Variants in TTC34 observed in about 807,000 individuals in gnomAD.
The protein encoded by TTC34 is tetratricopeptide repeat protein 34.
Under a neutral mutation model 40.7 loss-of-function variants are expected in TTC34, and 44 were observed. That is an observed-to-expected ratio of 1.08 (90% CI 0.85 to 1.39). The LOEUF is 1.39. TTC34 is among the 40% of genes most tolerant of loss of function. TTC34 has a pLI of 0.00. For missense variants in TTC34, 884 were observed against 838.0 expected (o/e 1.05, Z -0.68); for synonymous variants, 422 against 398.6 (o/e 1.06, Z -0.70).
chr1:2,644,475 C>T (rs1163050925), exon 8 of TTC34: 1 of 1,532,888 alleles, frequency 6.5e-7, no homozygotes, highest in East Asian at 2.5e-5. Flanking sequence ...TTCCTCGTAG[C>T]TGCCTGTCAG....
intron 6 of TTC34, among the ~76,000 whole-genome samples, chr1:2,653,727 C>G (rs1447709222): frequency 6.6e-6 from 1 of 151,716 alleles, no homozygotes; most frequent in Non-Finnish European, 1.5e-5. Flanking sequence ...GCAGCACCCA[C>G]AACCACAAGT....
Position 2,785,799 on chromosome 1 carries a change from G to T in TTC34, c.2059+20C>A. On this transcript the variant is annotated intron_variant, in intron 5 of 8. Transcript: ENST00000401095. Reference sequence around the variant, plus strand: ...GCCTGGCACAAGACTGGGCCCTGGGGGCAGGTGGGCAGCTCCTACCTGCGG... The same window carrying T: ...GCCTGGCACAAGACTGGGCCCTGGGTGCAGGTGGGCAGCTCCTACCTGCGG... 6.5e-7 allele frequency: 1 copy of T among 1,540,542 alleles called. No homozygotes were observed. The highest frequency in any genetic ancestry group is 1.2e-5 in the South Asian group (1 of 83,072).
chr1:2,791,414 T>A (rs1347228854), intron 2 of TTC34, among the ~76,000 whole-genome samples: 1 of 152,198 alleles, frequency 6.6e-6, no homozygotes, highest in Non-Finnish European at 1.5e-5. Context: ...TTCAAACAGC[T>A]TTTCCTTATA....
chr1:2,773,177 C>A (rs1569847794), intron 6 of TTC34, among the ~76,000 whole-genome samples: 5 of 132,568 alleles, frequency 3.8e-5, no homozygotes, highest in East Asian at 5.3e-4. Context: ...AGCGCCCACA[C>A]CCCCAGGTGA....
At chr1:2,756,652 G>C (rs1641515706) in intron 6 of TTC34, among the ~76,000 whole-genome samples, 6 of 151,650 alleles carry the variant, frequency 4.0e-5, no homozygotes, top group African/African-American at 1.5e-4. Context: ...TGACAGCCTG[G>C]AACAGCACCC....
chr1:2,768,395 C>T (rs1401462820), intron 6 of TTC34, among the ~76,000 whole-genome samples: 2 of 151,904 alleles, frequency 1.3e-5, no homozygotes, highest in African/African-American at 2.4e-5. Context: ...GAGCATATGA[C>T]AGCCCGGAAC....
At chr1:2,749,506 C>A (rs1274658028) in intron 6 of TTC34, among the ~76,000 whole-genome samples, 4 of 79,072 alleles carry the variant, frequency 5.1e-5, no homozygotes, top group East Asian at 4.0e-4. Flanking sequence ...ATTGGACAGC[C>A]TGGAGCAGCA....
chr1:2,692,518 C>A lies in TTC34; in HGVS notation c.2227-46955G>T, dbSNP rs1473094949. 1.4e-4 allele frequency among the ~76,000 whole-genome samples: 12 copies of A among 84,372 alleles called. 1 individual carries two copies. Among genetic ancestry groups the A allele is most frequent in the African/African-American group, 4.5e-4 (10 of 22,002 alleles). 55.4% of individuals were successfully genotyped at this position (84,372 alleles called of 152,430 possible). On this transcript the variant is annotated intron_variant, in intron 6 of 8. Coordinates refer to ENST00000401095, the Ensembl canonical transcript of TTC34. The stretch of plus-strand genomic sequence containing the variant: ...AGCAGCCTGCACCCCCAGGTGTGCA[C>A]GTGACAGCTTGGATCAGCACCCACA...
chr1:2,751,655 T>C (rs1641324479), intron 6 of TTC34, among the ~76,000 whole-genome samples: 29 of 128,392 alleles, frequency 2.3e-4, no homozygotes, highest in East Asian at 5.0e-4. Context: ...CACCCCCAGT[T>C]GAGCATTGGA....
At position 2,750,275 on chromosome 1, in the gene TTC34, A is replaced by C. The variant is rs1200715126; in HGVS notation, c.2226+33334T>G. ...GTGGGCATCTGACAGCCTGGAAAAGAGCCCAGACCCCCAGGTGAGCATCTG... is the reference window on the plus strand; with the variant it reads ...GTGGGCATCTGACAGCCTGGAAAAGCGCCCAGACCCCCAGGTGAGCATCTG... On this transcript the variant is annotated intron_variant, in intron 6 of 8. Transcript: ENST00000401095. Among the ~76,000 whole-genome samples the C allele has an allele frequency of 3.7e-4, 22 of 59,604 alleles. 2 individuals carry two copies. The highest frequency in any genetic ancestry group is 8.3e-4 in the East Asian group (1 of 1,206). 39.1% of individuals were successfully genotyped at this position (59,604 alleles called of 152,430 possible). A position where few individuals can be genotyped will look rare whatever the true frequency, so the allele number is the denominator to read the frequency against.
intron 6 of TTC34, among the ~76,000 whole-genome samples, chr1:2,757,718 G>A (rs1459382198): frequency 1.4e-4 from 21 of 145,914 alleles, no homozygotes; most frequent in African/African-American, 4.9e-4. Flanking sequence ...ACACCCACAG[G>A]TGAGCATCTG....
At chr1:2,771,830 A>AAT (rs1642232439) in intron 6 of TTC34, among the ~76,000 whole-genome samples, 2 of 91,784 alleles carry the variant, frequency 2.2e-5, no homozygotes, top group Admixed American at 1.9e-4. Context: ...GACAGCCTGG[A>AAT]GCAGCGCCCA....
At chr1:2,771,387 G>A (rs1299711265) in intron 6 of TTC34, among the ~76,000 whole-genome samples, 1 of 70,102 alleles carries the variant, frequency 1.4e-5, no homozygotes, top group Admixed American at 1.3e-4. Context: ...CTGACAGCCT[G>A]GAACAGAACC....
intron 6 of TTC34, among the ~76,000 whole-genome samples, chr1:2,688,509 C>T (rs1317114092): frequency 3.0e-5 from 4 of 134,938 alleles, no homozygotes; most frequent in African/African-American, 6.4e-5. Context: ...GAGCATCTGA[C>T]AGCCTGTAAC....
exon 3 of TTC34, chr1:2,789,732 C>T: frequency 1.2e-6 from 1 of 828,106 alleles, no homozygotes; most frequent in Non-Finnish European, 1.7e-6. Context: ...AACGCGCTGC[C>T]CGCCAGCACC....
chr1:2,753,169 C>CCTG, intron 6 of TTC34, among the ~76,000 whole-genome samples: 2 of 129,996 alleles, frequency 1.5e-5, no homozygotes, highest in Admixed American at 7.8e-5. Flanking sequence ...GGAACAGCAC[C>CCTG]CACACCCCCA....
chr1:2,799,155 C>CCTCCT (rs1643746851), intron 2 of TTC34, among the ~76,000 whole-genome samples: 1 of 151,758 alleles, frequency 6.6e-6, no homozygotes, highest in African/African-American at 2.4e-5. Flanking sequence ...CCTAGCCTCC[C>CCTCCT]GGCCCCCCAG....
chr1:2,752,393 A>C (rs1171595448), intron 6 of TTC34, among the ~76,000 whole-genome samples: 47 of 17,178 alleles, frequency 2.7e-3, no homozygotes, highest in South Asian at 6.2e-3. Context: ...ATCTGAGAGC[A>C]TGTAACAGCA....
chr1:2,800,373 AC>A lies in TTC34; in HGVS notation c.454del (p.Val152CysfsTer22). On this transcript the variant is annotated frameshift_variant, in exon 2 of 9. Coordinates refer to ENST00000401095, the Ensembl canonical transcript of TTC34. LOFTEE classifies it high-confidence loss of function. ...GGCGGCCACACCATCCGCTGCCTGC[AC>A]CCCGGACAGGACCCAGGCGAGGGCG... 7 of 398,466 alleles carry A rather than the reference AC, an allele frequency of 1.8e-5. No individual in the cohort carries two copies. The highest frequency in any genetic ancestry group is 3.1e-5 in the Non-Finnish European group (7 of 225,926). The allele number at this position is 398,466 out of a possible 1,614,324, so 24.7% of individuals were successfully genotyped here. A position where few individuals can be genotyped will look rare whatever the true frequency, so the allele number is the denominator to read the frequency against.
Sources: gnomAD v4.1 joint callset for allele counts (sites outside exome capture counted in the v4.1 genomes callset) on GRCh38, gnomAD v4.1.1 for gene constraint, MANE v1.5 for transcripts, NCBI Gene and HGNC (gene_info 2026-07-23, HGNC 2026-07-21) for gene names.